Variants in TRIM9 observed in about 807,000 individuals in gnomAD.
The protein encoded by TRIM9 is tripartite motif containing 9, also known as E3 ubiquitin-protein ligase TRIM9.
In TRIM9, 26 loss-of-function variants were observed where a neutral mutation model predicts 78.3. The ratio of observed to expected loss-of-function variants is 0.33; its 90% CI spans 0.24 to 0.46. The LOEUF is 0.46. Ranked by LOEUF, TRIM9 falls within the 20% of genes least tolerant of loss-of-function variation. The pLI is 1.00. For synonymous variants in TRIM9, 398 were observed against 416.5 expected (o/e 0.96, Z 0.54); for missense variants, 787 against 1,036.4 (o/e 0.76, Z 3.30).
intron 1 of TRIM9, among the ~76,000 whole-genome samples, chr14:51,040,075 A>G (rs8019404): frequency 0.29 from 44,318 of 152,064 alleles, 6,897 homozygotes; most frequent in Non-Finnish European, 0.35. Context: ...GAGCCATTGC[A>G]CCCAGCCAAA....
intron 1 of TRIM9, among the ~76,000 whole-genome samples, chr14:51,057,617 T>A (rs1390638268): frequency 6.6e-6 from 1 of 152,238 alleles, no homozygotes; most frequent in Non-Finnish European, 1.5e-5. Context: ...ACCCAAAATA[T>A]GAAATACATA....
At chr14:51,018,268 G>GGCCT (rs541088199) in intron 3 of TRIM9, among the ~76,000 whole-genome samples, 5 of 151,356 alleles carry the variant, frequency 3.3e-5, no homozygotes, top group African/African-American at 7.3e-5. Context: ...GAGCTGGGAT[G>GGCCT]GCCTGCCTGC....
At position 51,009,184 on chromosome 14, in the gene TRIM9, C is replaced by T; in HGVS notation, c.1202G>A (p.Gly401Asp). 6.2e-7 allele frequency: 1 copy of T among 1,614,040 alleles called. No homozygotes were observed. ...CATCCTTGGAGTGAGTGTGCCTTTA[C>T]CCCACTGATCCTCAGTCAGGTGCAC... is the stretch of plus-strand genomic sequence containing the variant. ...RRVHLTEDQW[G>D]KGTLTPRMTT... The change falls in exon 5 of 13, where the codon GGT becomes GAT. Residue 401 changes from glycine (G) to aspartate (D), a missense_variant. Physicochemically the swap from Gly to Asp is moderately conservative, Grantham distance 94. Transcript: ENST00000684578.
At chr14:51,039,028 A>C (rs1166983315) in intron 1 of TRIM9, among the ~76,000 whole-genome samples, 1 of 152,248 alleles carries the variant, frequency 6.6e-6, no homozygotes, top group Non-Finnish European at 1.5e-5. Flanking sequence ...GCACGGGGTC[A>C]TTAGAAATGC....
chr14:51,031,983 T>C (rs1351920581), intron 1 of TRIM9, among the ~76,000 whole-genome samples: 2 of 152,226 alleles, frequency 1.3e-5, no homozygotes, highest in Admixed American at 1.3e-4. Context: ...GTGCTTTTAT[T>C]CCAACACACT....
intron 1 of TRIM9, among the ~76,000 whole-genome samples, chr14:51,074,214 T>C (rs2062554661): frequency 6.7e-6 from 1 of 150,090 alleles, no homozygotes; most frequent in Non-Finnish European, 1.5e-5. Flanking sequence ...AGCCCAGGAG[T>C]TCAAGACCAG....
chr14:51,082,493 G>A (rs576877775), intron 1 of TRIM9, among the ~76,000 whole-genome samples: 3 of 152,134 alleles, frequency 2.0e-5, no homozygotes, highest in Admixed American at 6.5e-5. Flanking sequence ...AACATTATGC[G>A]AAGTAAAAGA....
At chr14:51,055,775 C>T (rs1236939679) in intron 1 of TRIM9, among the ~76,000 whole-genome samples, 1 of 152,182 alleles carries the variant, frequency 6.6e-6, no homozygotes, top group Admixed American at 6.5e-5. Flanking sequence ...TTTGTTCAAG[C>T]TACTAAGTTT....
At chr14:51,083,166 G>A (rs2063461236) in intron 1 of TRIM9, among the ~76,000 whole-genome samples, 1 of 152,192 alleles carries the variant, frequency 6.6e-6, no homozygotes, top group South Asian at 2.1e-4. Context: ...CTTTTCTCAT[G>A]AAGTGAATCT....
At chr14:51,068,624 C>A (rs908467932) in intron 1 of TRIM9, among the ~76,000 whole-genome samples, 17 of 152,298 alleles carry the variant, frequency 1.1e-4, no homozygotes, top group African/African-American at 4.1e-4. Context: ...GGAATTTTAA[C>A]ATCAGTGTGC....
At chr14:51,084,803 G>A (rs867362145) in intron 1 of TRIM9, among the ~76,000 whole-genome samples, 3 of 152,072 alleles carry the variant, frequency 2.0e-5, no homozygotes, top group Admixed American at 6.6e-5. Flanking sequence ...GTTGATTTTT[G>A]TTTGCACTGA....
rs546585137 is a variant in TRIM9, at chr14:50,988,310, T to G, written c.1604-2166A>C. The G allele has an allele frequency of 3.3e-5, 5 of 152,198 alleles. No individual in the cohort carries two copies. In the East Asian group the frequency reaches 9.6e-4, roughly 29 times the overall value. 9.4% of individuals were successfully genotyped at this position (152,198 alleles called of 1,614,324 possible). ...TTTACTGAACACAGACCTTGGGGAG[T>G]GTATCCAATCCCATCATAAATTGTA... On this transcript the variant is annotated intron_variant, in intron 7 of 12. Transcript: ENST00000684578.
At chr14:51,067,413 T>C (rs61329273) in intron 1 of TRIM9, among the ~76,000 whole-genome samples, 3,895 of 152,272 alleles carry the variant, frequency 0.026, 165 homozygotes, top group African/African-American at 0.09. Flanking sequence ...AGCCAGAGTA[T>C]TCTTTTAAAA....
At chr14:51,085,059 TAGAC>T (rs1596330418) in intron 1 of TRIM9, among the ~76,000 whole-genome samples, 3 of 152,338 alleles carry the variant, frequency 2.0e-5, no homozygotes. Flanking sequence ...CTTAGACTGA[TAGAC>T]AGCGCAGGCC....
chr14:50,983,338 C>G, intron 9 of TRIM9, 42 bp downstream of exon 9: 1 of 1,469,272 alleles, frequency 6.8e-7, no homozygotes, highest in Non-Finnish European at 9.2e-7. Flanking sequence ...ATTGAGCACA[C>G]CAATCACGTA....
chr14:51,068,430 G>A (rs1001688259), intron 1 of TRIM9, among the ~76,000 whole-genome samples: 4 of 152,124 alleles, frequency 2.6e-5, no homozygotes, highest in Non-Finnish European at 2.9e-5. Flanking sequence ...ATCTCACAAG[G>A]GGAAGATAAA....
At chr14:51,050,515 T>G (rs945458269) in intron 1 of TRIM9, among the ~76,000 whole-genome samples, 1 of 152,122 alleles carries the variant, frequency 6.6e-6, no homozygotes, top group Non-Finnish European at 1.5e-5. Flanking sequence ...CCCAGTCTTG[T>G]GTATGTCTTT....
chr14:51,008,615 G>T lies in TRIM9; in HGVS notation c.1306+465C>A, dbSNP rs1165453458. On this transcript the variant is annotated intron_variant, in intron 5 of 12. Coordinates refer to ENST00000684578, the MANE Select transcript of TRIM9 (RefSeq NM_001387360.1). Reference sequence around the variant, plus strand: ...AAATTTCCATTTTCCTTCCAGGCTTGCATTTTTCTGCCAGTATTGGCAGGC... The same window carrying T: ...AAATTTCCATTTTCCTTCCAGGCTTTCATTTTTCTGCCAGTATTGGCAGGC... 2.0e-5 allele frequency among the ~76,000 whole-genome samples: 3 copies of T among 152,220 alleles called. No individual in the cohort carries two copies. The East Asian group carries it at 5.8e-4, about 29-fold the overall frequency.
At chr14:50,995,433 GC>G (rs1312964081) in intron 7 of TRIM9, among the ~76,000 whole-genome samples, 1 of 152,080 alleles carries the variant, frequency 6.6e-6, no homozygotes, top group Non-Finnish European at 1.5e-5. Flanking sequence ...ATCAAGCACT[GC>G]CCAATAAATA....
Sources: allele counts gnomAD v4.1 joint callset (sites outside exome capture counted in the v4.1 genomes callset), GRCh38; gene constraint gnomAD v4.1.1; transcripts MANE v1.5; gene names NCBI Gene and HGNC (gene_info 2026-07-23, HGNC 2026-07-21).